ST18: variants seen among roughly 807,000 people sequenced by gnomAD.
ST18 encodes the protein suppression of tumorigenicity 18 protein.
A neutral mutation model predicts 110.0 loss-of-function variants in ST18; 50 were observed. That is an observed-to-expected ratio of 0.45 (90% CI 0.36 to 0.58). The LOEUF (loss-of-function observed/expected upper bound fraction) is 0.58, where lower values mean the gene tolerates loss of function less well. Among genes scored for constraint, ST18 ranks in the 20% least tolerant of loss-of-function variants. ST18 has a pLI of 0.00. For missense variants in ST18, 1,306 were observed against 1,280.1 expected, an observed-to-expected ratio of 1.02 and a Z score of -0.31; for synonymous variants, 461 against 452.4, an observed-to-expected ratio of 1.02 and a Z score of -0.24.
chr8:52,174,021 C>T (rs2065987880), intron 9 of ST18, among the ~76,000 whole-genome samples: 1 of 152,084 alleles, frequency 6.6e-6, no homozygotes, highest in South Asian at 2.1e-4. Flanking sequence ...GTAAATATTG[C>T]CATAGTAACT....
chr8:52,305,661 A>G (rs2095800501), intron 2 of ST18, among the ~76,000 whole-genome samples: 1 of 152,172 alleles, frequency 6.6e-6, no homozygotes, highest in African/African-American at 2.4e-5. Context: ...GTGACAACCT[A>G]GAAGCCTCCC....
chr8:52,161,652 AT>A, intron 13 of ST18, 84 bp from the exon 14 acceptor site: 1 of 1,452,194 alleles, frequency 6.9e-7, no homozygotes, highest in Non-Finnish European at 9.4e-7. Flanking sequence ...CAGTAGATAC[AT>A]GTGTCACTCC....
chr8:52,206,235 G>A (rs937517399), intron 8 of ST18, among the ~76,000 whole-genome samples: 26 of 152,262 alleles, frequency 1.7e-4, no homozygotes, highest in South Asian at 2.1e-4. Flanking sequence ...CCAACCAGAC[G>A]CTGTGCACAT....
chr8:52,176,268 C>T (rs1437454017), intron 9 of ST18, among the ~76,000 whole-genome samples: 1 of 152,134 alleles, frequency 6.6e-6, no homozygotes, highest in Non-Finnish European at 1.5e-5. Context: ...CGTGATCCGC[C>T]CGCCTCGGCC....
chr8:52,243,217 C>A (rs2093582338), intron 2 of ST18, among the ~76,000 whole-genome samples: 1 of 152,064 alleles, frequency 6.6e-6, no homozygotes. Context: ...TTTTCAAATT[C>A]ATAGGATGTT....
At chr8:52,155,583 G>A (rs1444383056) in intron 15 of ST18, among the ~76,000 whole-genome samples, 1 of 152,144 alleles carries the variant, frequency 6.6e-6, no homozygotes, top group Non-Finnish European at 1.5e-5. Flanking sequence ...TTCTGTGTTG[G>A]GAAGGGGTGG....
At chr8:52,223,177 C>T (rs191082247) in intron 3 of ST18, among the ~76,000 whole-genome samples, 3 of 152,228 alleles carry the variant, frequency 2.0e-5, no homozygotes, top group Admixed American at 1.3e-4. Context: ...ATGAGTACTG[C>T]GCCTGAGAAA....
intron 2 of ST18, among the ~76,000 whole-genome samples, chr8:52,356,439 T>A (rs576936813): frequency 3.0e-4 from 45 of 152,146 alleles, no homozygotes; most frequent in Non-Finnish European, 6.0e-4. Flanking sequence ...TTTAGAAATG[T>A]CACTAAACAA....
chr8:52,339,426 A>G (rs1477136213), intron 2 of ST18, among the ~76,000 whole-genome samples: 1 of 152,220 alleles, frequency 6.6e-6, no homozygotes, highest in African/African-American at 2.4e-5. Context: ...GTACCACACG[A>G]CAAAACCTCA....
chr8:52,200,404 C>T (rs188374516), intron 8 of ST18, among the ~76,000 whole-genome samples: 4 of 152,286 alleles, frequency 2.6e-5, no homozygotes, highest in Admixed American at 1.3e-4. Context: ...CGCAGCTGTG[C>T]GGGGAACAAC....
At chr8:52,134,961 T>C (rs2051386089) in intron 19 of ST18, among the ~76,000 whole-genome samples, 1 of 152,358 alleles carries the variant, frequency 6.6e-6, no homozygotes, top group South Asian at 2.1e-4. Context: ...ACTTATTAGA[T>C]AGCTGTATAA....
intron 2 of ST18, among the ~76,000 whole-genome samples, chr8:52,233,335 C>T (rs1163684293): frequency 6.6e-6 from 1 of 152,030 alleles, no homozygotes; most frequent in African/African-American, 2.4e-5. Context: ...AAATAAAAAT[C>T]TCCCTGAAGA....
At chr8:52,292,490 A>T (rs57732214) in intron 2 of ST18, among the ~76,000 whole-genome samples, 1 of 152,346 alleles carries the variant, frequency 6.6e-6, no homozygotes, top group East Asian at 1.9e-4. Flanking sequence ...ATTATTTCTT[A>T]CAAGTATATG....
In ST18 at chr8:52,140,759, C is replaced by A. The variant is rs144105626; in HGVS notation, c.2168+2171G>T. Among the ~76,000 whole-genome samples, 134 of 152,160 alleles carry A rather than the reference C, an allele frequency of 8.8e-4. 1 individual carries two copies. The East Asian group carries it at 0.018, about 21-fold the overall frequency. On this transcript the variant is annotated intron_variant, in intron 17 of 25. Coordinates refer to ENST00000689386, the MANE Select transcript of ST18 (RefSeq NM_001352837.2). ...TGCAAAATAATCATGCTTCATTTTT[C>A]TGATCCAAAATGGTATTGCAGGTTA...
chr8:52,353,531 G>GA (rs1821314984), intron 2 of ST18, among the ~76,000 whole-genome samples: 1 of 152,068 alleles, frequency 6.6e-6, no homozygotes, highest in South Asian at 2.1e-4. Context: ...AGACACACAT[G>GA]AAAAAATGTA....
chr8:52,197,729 C>T (rs1442845544), intron 8 of ST18, among the ~76,000 whole-genome samples: 2 of 151,228 alleles, frequency 1.3e-5, no homozygotes, highest in South Asian at 4.2e-4. Flanking sequence ...GCAGGGAGGC[C>T]AAAAAGAAGG....
intron 23 of ST18, among the ~76,000 whole-genome samples, chr8:52,118,882 A>G (rs574756578): frequency 9.2e-5 from 14 of 152,290 alleles, no homozygotes; most frequent in South Asian, 4.1e-4. Flanking sequence ...TAAACCTCAA[A>G]GCCCTTGCAT....
chr8:52,338,981 C>T (rs780179024), intron 2 of ST18, among the ~76,000 whole-genome samples: 12 of 149,452 alleles, frequency 8.0e-5, no homozygotes, highest in African/African-American at 2.5e-4. Context: ...GGGCCTCAAG[C>T]GACCCTCCCA....
intron 2 of ST18, among the ~76,000 whole-genome samples, chr8:52,359,080 C>G (rs1344526475): frequency 6.6e-6 from 1 of 151,044 alleles, no homozygotes; most frequent in South Asian, 2.1e-4. Context: ...AATATGTGAA[C>G]AATCAATCAA....
Sources: allele counts gnomAD v4.1 joint callset (sites outside exome capture counted in the v4.1 genomes callset), GRCh38; gene constraint gnomAD v4.1.1; transcripts MANE v1.5; gene names NCBI Gene and HGNC (gene_info 2026-07-23, HGNC 2026-07-21).